Variants in PKHD1 observed in about 807,000 individuals in gnomAD.
PKHD1 encodes PKHD1 ciliary IPT domain containing fibrocystin/polyductin, also known as fibrocystin.
PKHD1 carries 291 observed loss-of-function variants against 412.0 expected under a neutral mutation model. The ratio of observed to expected loss-of-function variants is 0.71; its 90% confidence interval spans 0.64 to 0.78. PKHD1 has a LOEUF of 0.78. Among genes scored for constraint, PKHD1 ranks in the 30% least tolerant of loss-of-function variants. The probability of loss-of-function intolerance (pLI) is 0.00; values close to 1 mark genes in which losing one functional copy is unlikely to be tolerated. For missense variants in PKHD1, 4,825 were observed against 4,950.7 expected (o/e 0.97, Z 0.76); for synonymous variants, 1,777 against 1,821.5 (o/e 0.98, Z 0.62).
At chr6:51,660,182 C>T (rs1772608355) in intron 60 of PKHD1, among the ~76,000 whole-genome samples, 1 of 151,826 alleles carries the variant, frequency 6.6e-6, no homozygotes. Flanking sequence ...GTATATGTTA[C>T]ATAATATGTT....
intron 60 of PKHD1, among the ~76,000 whole-genome samples, chr6:51,743,974 T>C (rs1367007148): frequency 6.6e-6 from 1 of 152,096 alleles, no homozygotes; most frequent in Non-Finnish European, 1.5e-5. Flanking sequence ...TACCCTACCA[T>C]TGAGAGAGCG....
intron 13 of PKHD1, 21 bp from the exon 14 acceptor site, chr6:52,062,681 A>G: frequency 1.2e-6 from 2 of 1,613,982 alleles, no homozygotes; most frequent in Non-Finnish European, 1.7e-6. Flanking sequence ...TGTAGATCGC[A>G]TAAACATTAC....
chr6:51,999,759 C>G (rs1278945526), intron 35 of PKHD1, among the ~76,000 whole-genome samples: 1 of 152,158 alleles, frequency 6.6e-6, no homozygotes, highest in Non-Finnish European at 1.5e-5. Context: ...ATATTAGACT[C>G]AAAACTGATA....
rs1766125601 is a variant in PKHD1 at position 51,617,016 on chromosome 6, C to T, written c.*2065G>A. ...TAACTTCATAGTAACTATAGGATAA[C>T]CTACTGGATATTCTCACTAGGCAGC... is the stretch of plus-strand genomic sequence containing the variant. On this transcript the variant is annotated 3_prime_UTR_variant, in exon 67 of 67. Coordinates refer to ENST00000371117, the MANE Select transcript of PKHD1 (RefSeq NM_138694.4). 1 of 245,972 alleles carries T rather than the reference C, an allele frequency of 4.1e-6. No individual in the cohort carries two copies. Among genetic ancestry groups the T allele is most frequent in the South Asian group, 1.8e-4 (1 of 5,702 alleles). 15.2% of individuals were successfully genotyped at this position (245,972 alleles called of 1,614,324 possible).
At chr6:52,057,897 C>T (rs895346868) in intron 16 of PKHD1, among the ~76,000 whole-genome samples, 1 of 152,156 alleles carries the variant, frequency 6.6e-6, no homozygotes, top group African/African-American at 2.4e-5. Context: ...ATATGGGGCA[C>T]AGCTGAGAGA....
chr6:51,744,790 T>C (rs886853214), intron 59 of PKHD1, among the ~76,000 whole-genome samples: 1 of 152,210 alleles, frequency 6.6e-6, no homozygotes, highest in African/African-American at 2.4e-5. Flanking sequence ...TATAGATTGC[T>C]GATTTTTTAA....
chr6:51,788,572 T>C (rs1793242490), intron 53 of PKHD1, among the ~76,000 whole-genome samples: 1 of 151,978 alleles, frequency 6.6e-6, no homozygotes, highest in South Asian at 2.1e-4. Flanking sequence ...ATCCCAGCCA[T>C]ACAAAGGCCA....
chr6:51,863,654 A>G (rs1172001167), intron 48 of PKHD1, among the ~76,000 whole-genome samples: 3 of 152,172 alleles, frequency 2.0e-5, no homozygotes, highest in Non-Finnish European at 4.4e-5. Context: ...GCCCCAGGAA[A>G]GTAAAAGCCC....
At chr6:52,043,476 C>A in intron 26 of PKHD1, 149 bp downstream of exon 26, 1 of 703,660 alleles carries the variant, frequency 1.4e-6, no homozygotes. Context: ...TTAGATGGAC[C>A]AAAAAATACA....
intron 51 of PKHD1, among the ~76,000 whole-genome samples, chr6:51,834,791 T>C (rs1051714042): frequency 6.6e-6 from 1 of 152,156 alleles, no homozygotes; most frequent in African/African-American, 2.4e-5. Flanking sequence ...CCCAACTATA[T>C]GAGGTAGGAA....
At chr6:51,886,621 T>C (rs1778258621) in intron 44 of PKHD1, among the ~76,000 whole-genome samples, 3 of 152,002 alleles carry the variant, frequency 2.0e-5, no homozygotes, top group Admixed American at 2.0e-4. Context: ...GAGAGTAGAA[T>C]GGTGGTTGGC....
chr6:51,874,280 CAT>C (rs1491363498), intron 46 of PKHD1, among the ~76,000 whole-genome samples: 3 of 122,836 alleles, frequency 2.4e-5, no homozygotes, highest in Non-Finnish European at 3.3e-5. Flanking sequence ...TAAAATTAGA[CAT>C]TTTTTTTAGT....
chr6:52,010,590 T>C (rs1278247696), intron 34 of PKHD1, 131 bp from the exon 35 acceptor site: 1 of 738,496 alleles, frequency 1.4e-6, no homozygotes, highest in Non-Finnish European at 2.4e-6. Context: ...ATTTTGCAAA[T>C]TTCTGTAATT....
intron 34 of PKHD1, among the ~76,000 whole-genome samples, chr6:52,015,154 T>C (rs1800366017): frequency 6.6e-6 from 1 of 152,336 alleles, no homozygotes; most frequent in Middle Eastern, 3.4e-3. Flanking sequence ...ATTATAAATA[T>C]TTCCCTGTCT....
intron 6 of PKHD1, among the ~76,000 whole-genome samples, chr6:52,075,847 A>C (rs189247060): frequency 3.0e-4 from 45 of 152,332 alleles, no homozygotes; most frequent in African/African-American, 4.1e-4. Context: ...CTTCAACTGC[A>C]AAATGGGAAT....
At chr6:51,791,461 G>T in intron 52 of PKHD1, 88 bp from the exon 53 acceptor site, 2 of 1,215,740 alleles carry the variant, frequency 1.6e-6, no homozygotes, top group Non-Finnish European at 1.2e-6. Context: ...TTTGGGAGCT[G>T]TGTACAGTGT....
At chr6:51,814,286 T>A (rs1023667959) in intron 52 of PKHD1, among the ~76,000 whole-genome samples, 1 of 152,178 alleles carries the variant, frequency 6.6e-6, no homozygotes, top group Non-Finnish European at 1.5e-5. Context: ...TCTACGATTC[T>A]CTCAGTCACA....
At chr6:52,049,491 T>C (rs1014261852) in intron 22 of PKHD1, among the ~76,000 whole-genome samples, 6 of 152,188 alleles carry the variant, frequency 3.9e-5, no homozygotes, top group Admixed American at 3.3e-4. Flanking sequence ...CACCCACATA[T>C]ACATATACAT....
At chr6:52,072,860 T>C (rs774124275) in intron 7 of PKHD1, among the ~76,000 whole-genome samples, 1 of 152,228 alleles carries the variant, frequency 6.6e-6, no homozygotes, top group Non-Finnish European at 1.5e-5. Context: ...ATGATTACAG[T>C]TGCTTAGAGC....
Sources: allele counts gnomAD v4.1 joint callset (sites outside exome capture counted in the v4.1 genomes callset), GRCh38; gene constraint gnomAD v4.1.1; transcripts MANE v1.5; gene names NCBI Gene and HGNC (gene_info 2026-07-23, HGNC 2026-07-21).